The following AHRR variants were observed in gnomAD, a reference collection of about 807,000 sequenced individuals.
AHRR encodes the protein ahR repressor.
AHRR carries 28 observed loss-of-function variants against 44.0 expected under a neutral mutation model. That is an observed-to-expected ratio of 0.64 (90% CI 0.47 to 0.87). The LOEUF (loss-of-function observed/expected upper bound fraction) is 0.87. Among genes scored for constraint, AHRR ranks in the 40% least tolerant of loss-of-function variants. AHRR has a pLI of 0.00. For missense variants in AHRR, 990 were observed against 953.9 expected (o/e 1.04, Z -0.50); for synonymous variants, 434 against 407.0 (o/e 1.07, Z -0.80).
chr5:378,056 T>C (rs1733816392), intron 4 of AHRR, among the ~76,000 whole-genome samples: 1 of 152,190 alleles, frequency 6.6e-6, no homozygotes, highest in African/African-American at 2.4e-5. Flanking sequence ...CCCACGGAAA[T>C]TTCTGGAAGT....
chr5:375,306 G>A (rs895178648), intron 3 of AHRR, among the ~76,000 whole-genome samples: 3 of 152,220 alleles, frequency 2.0e-5, no homozygotes, highest in Non-Finnish European at 4.4e-5. Context: ...TCGATGAGGC[G>A]GTGCCCCTCA....
intron 3 of AHRR, chr5:367,713 G>A: frequency 1.6e-6 from 1 of 633,256 alleles, no homozygotes; most frequent in Non-Finnish European, 2.9e-6. Context: ...CTGCCCCTCT[G>A]CCCTGACACC....
chr5:373,539 G>A (rs1162239669), intron 3 of AHRR, among the ~76,000 whole-genome samples: 3 of 152,338 alleles, frequency 2.0e-5, no homozygotes, highest in Admixed American at 1.3e-4. Context: ...AGGACACCGC[G>A]CTCCCAGCTC....
At chr5:403,800 C>G in intron 4 of AHRR, 1 of 1,539,140 alleles carries the variant, frequency 6.5e-7, no homozygotes, top group Non-Finnish European at 9.0e-7. Flanking sequence ...TTTCCTGGGT[C>G]TCTTGAGTTT....
Position 324,037 on chromosome 5 carries a change from G to C in AHRR, c.-11+2218G>C, listed in dbSNP as rs375043354. Among the ~76,000 whole-genome samples, 278 of 83,990 alleles carry C rather than the reference G, an allele frequency of 3.3e-3. 3 individuals carry two copies. The highest frequency in any genetic ancestry group is 0.012 in the African/African-American group (261 of 21,108). 55.1% of individuals were successfully genotyped at this position (83,990 alleles called of 152,430 possible). ...TTTCTTTCTTTCTCTCTCTCTCTCT[G>C]TCTCTCTTTCTCTCTCTCTCTCTTT... On this transcript the variant is annotated intron_variant, in intron 1 of 10. Coordinates refer to ENST00000684583, the MANE Select transcript of AHRR (RefSeq NM_001377236.1).
At chr5:356,349 G>C (rs1246546567) in intron 3 of AHRR, among the ~76,000 whole-genome samples, 2 of 152,222 alleles carry the variant, frequency 1.3e-5, no homozygotes, top group African/African-American at 4.8e-5. Flanking sequence ...CACTGACCAG[G>C]AAGGGTCCAG....
At chr5:431,650 GC>G (rs2126548418) in intron 8 of AHRR, among the ~76,000 whole-genome samples, 1 of 151,088 alleles carries the variant, frequency 6.6e-6, no homozygotes, top group East Asian at 1.9e-4. Flanking sequence ...GCCCCCAACA[GC>G]CCCCCAGTCT....
At chr5:371,894 T>C (rs1175924191) in intron 3 of AHRR, among the ~76,000 whole-genome samples, 5 of 152,208 alleles carry the variant, frequency 3.3e-5, no homozygotes, top group Admixed American at 3.3e-4. Flanking sequence ...TTAGGGTCGA[T>C]GTGCCTGTTA....
At chr5:332,617 T>G (rs1401212706) in intron 1 of AHRR, among the ~76,000 whole-genome samples, 2 of 152,182 alleles carry the variant, frequency 1.3e-5, no homozygotes, top group Non-Finnish European at 2.9e-5. Flanking sequence ...ATGTCCCATG[T>G]GCTGATGAAA....
intron 2 of AHRR, among the ~76,000 whole-genome samples, chr5:344,405 TGCGG>T (rs1560884111): frequency 1.3e-3 from 43 of 32,274 alleles, no homozygotes; most frequent in Middle Eastern, 0.013. Flanking sequence ...TGGGGAGGGC[TGCGG>T]GGGTGTGTGC....
At chr5:344,481 C>G (rs1349133942) in intron 2 of AHRR, among the ~76,000 whole-genome samples, 2 of 5,844 alleles carry the variant, frequency 3.4e-4, no homozygotes, top group East Asian at 1.7e-3. Context: ...TGTGTGTGCG[C>G]GGGGGGAGCT....
At chr5:409,464 C>T (rs994026533) in intron 4 of AHRR, among the ~76,000 whole-genome samples, 6 of 152,202 alleles carry the variant, frequency 3.9e-5, no homozygotes, top group African/African-American at 7.2e-5. Flanking sequence ...CTCTCTTCCT[C>T]GCCAGTATTC....
chr5:382,552 A>C (rs1734026786), intron 4 of AHRR, among the ~76,000 whole-genome samples: 1 of 151,680 alleles, frequency 6.6e-6, no homozygotes, highest in South Asian at 2.1e-4. Context: ...TGGTCAGTTG[A>C]GTTACAGGCT....
intron 3 of AHRR, among the ~76,000 whole-genome samples, chr5:356,362 G>A (rs943699845): frequency 2.0e-5 from 3 of 152,240 alleles, no homozygotes; most frequent in Non-Finnish European, 4.4e-5. Flanking sequence ...GGGTCCAGAA[G>A]CCCCGGCTCT....
chr5:427,411 A>T (rs1736464868), intron 7 of AHRR, among the ~76,000 whole-genome samples: 1 of 144,610 alleles, frequency 6.9e-6, no homozygotes, highest in African/African-American at 2.6e-5. Context: ...CAATCCTTGG[A>T]GATCATCCAC....
chr5:344,422 T>G (rs1742500303), intron 2 of AHRR, among the ~76,000 whole-genome samples: 1 of 21,188 alleles, frequency 4.7e-5, no homozygotes. Context: ...GTGTGTGCGG[T>G]ATGTGTGAGG....
Position 419,447 on chromosome 5 carries a change from G to A in AHRR, c.442-3282G>A, listed in dbSNP as rs1026730308. On this transcript the variant is annotated intron_variant, in intron 5 of 10. Transcript: ENST00000684583. This position sits in a 1 kb window ranked among gnomAD's most constrained non-coding sequence, Gnocchi z 4.4. ...CTCCTAAAGTGCTGGGATTACAGGC[G>A]TGAACCACTGTGCCCGGCTGAGAGT... Among the ~76,000 whole-genome samples the A allele has an allele frequency of 9.2e-5, 14 of 152,152 alleles. No homozygotes were observed. Among genetic ancestry groups the A allele is most frequent in the African/African-American group, 3.1e-4 (13 of 41,438 alleles).
rs371346928 is a variant in AHRR, at chr5:438,001, C to G, written c.*3167C>G. 4 of 152,370 alleles carry G rather than the reference C, an allele frequency of 2.6e-5. No individual in the cohort carries two copies. The East Asian group carries it at 7.5e-4, about 29-fold the overall frequency. 9.4% of individuals were successfully genotyped at this position (152,370 alleles called of 1,614,324 possible). A position where few individuals can be genotyped will look rare whatever the true frequency, so the allele number is the denominator to read the frequency against. ...TGTTTTTCTGTGTATGTAGCTTTTC[C>G]CTATATAGCTGAAAAAGTATTAAAG... On this transcript the variant is annotated 3_prime_UTR_variant, in exon 11 of 11. Transcript: ENST00000684583.
At chr5:413,548 T>C in intron 5 of AHRR, 115 bp downstream of exon 5, 1 of 779,312 alleles carries the variant, frequency 1.3e-6, no homozygotes, top group Non-Finnish European at 2.1e-6. Context: ...TTCCTATCAC[T>C]GAGCTCTTAT....
Sources: allele counts gnomAD v4.1 joint callset (sites outside exome capture counted in the v4.1 genomes callset), GRCh38; gene constraint gnomAD v4.1.1; non-coding constraint Gnocchi (gnomAD v3.1); transcripts MANE v1.5; gene names NCBI Gene and HGNC (gene_info 2026-07-23, HGNC 2026-07-21).